Variants in DECR1 observed in about 807,000 individuals in gnomAD.
The protein encoded by DECR1 is 2,4-dienoyl-CoA reductase 1, also known as 2,4-dienoyl-CoA reductase [(3E)-enoyl-CoA-producing], mitochondrial.
Under a neutral mutation model 38.8 loss-of-function variants are expected in DECR1, and 44 were observed. The ratio of observed to expected loss-of-function variants is 1.13; its 90% CI spans 0.89 to 1.46. The LOEUF is 1.46. Among genes scored for constraint, DECR1 ranks in the 40% most tolerant of loss-of-function variants. The probability of loss-of-function intolerance (pLI) is 0.00; values close to 1 mark genes in which losing one functional copy is unlikely to be tolerated. For synonymous variants in DECR1, 148 were observed against 135.2 expected, an observed-to-expected ratio of 1.09 and a Z score of -0.66; for missense variants, 428 against 405.5, an observed-to-expected ratio of 1.06 and a Z score of -0.48.
chr8:90,013,992 G>A (rs1050053431), intron 1 of DECR1, among the ~76,000 whole-genome samples: 1 of 152,074 alleles, frequency 6.6e-6, no homozygotes, highest in Non-Finnish European at 1.5e-5. Flanking sequence ...AGTATGGTGA[G>A]GAAGGTAGGT....
chr8:90,053,068 C>G lies in DECR1; in HGVS notation c.*1171C>G, dbSNP rs1003557718. On this transcript the variant is annotated 3_prime_UTR_variant, in exon 10 of 10. Coordinates refer to ENST00000220764, the MANE Select transcript of DECR1 (RefSeq NM_001359.2). The stretch of plus-strand genomic sequence containing the variant: ...GGCCCAACATTTCCAATTATACTGA[C>G]TTTCACTGGGCTTTTTTTTAGGCTG... Among the ~76,000 whole-genome samples the G allele has an allele frequency of 6.6e-6, 1 of 152,122 alleles. No homozygotes were observed. The highest frequency in any genetic ancestry group is 1.5e-5 in the Non-Finnish European group (1 of 68,014).
chr8:90,026,429 A>G (rs779486893), intron 5 of DECR1, among the ~76,000 whole-genome samples: 36 of 152,214 alleles, frequency 2.4e-4, no homozygotes, highest in South Asian at 6.2e-4. Flanking sequence ...CAGGGATTCA[A>G]CTTCCTCCTG....
intron 6 of DECR1, among the ~76,000 whole-genome samples, chr8:90,040,604 C>T (rs111797896): frequency 0.018 from 2,745 of 152,218 alleles, 78 homozygotes; most frequent in African/African-American, 0.062. Context: ...AGGAATTTTT[C>T]CTAATGCTAT....
intron 1 of DECR1, among the ~76,000 whole-genome samples, chr8:90,010,860 A>AT (rs1195992848): frequency 6.6e-6 from 1 of 151,606 alleles, no homozygotes; most frequent in East Asian, 1.9e-4. Flanking sequence ...ATTCTAGGCC[A>AT]TTTTTTTTCT....
intron 1 of DECR1, chr8:90,006,089 C>T: frequency 1.2e-5 from 8 of 648,444 alleles, no homozygotes; most frequent in Non-Finnish European, 2.2e-5. Context: ...AACCCAGGCA[C>T]CTCCCATTAG....
chr8:90,010,063 G>A (rs1406204673), intron 1 of DECR1, among the ~76,000 whole-genome samples: 1 of 152,156 alleles, frequency 6.6e-6, no homozygotes, highest in Non-Finnish European at 1.5e-5. Flanking sequence ...GTCCAGCTGG[G>A]CAGTTTCTTT....
chr8:90,023,369 C>T (rs1813213668), intron 5 of DECR1, among the ~76,000 whole-genome samples: 1 of 151,752 alleles, frequency 6.6e-6, no homozygotes, highest in Admixed American at 6.6e-5. Context: ...TTGCTAAACT[C>T]ACTTAATGGT....
At chr8:90,048,889 C>T (rs555325937) in intron 8 of DECR1, among the ~76,000 whole-genome samples, 2 of 152,116 alleles carry the variant, frequency 1.3e-5, no homozygotes, top group African/African-American at 4.8e-5. Context: ...TTCAACATAC[C>T]CAAATCAATA....
rs1301725109 is a variant in DECR1, at chr8:90,053,431, T to C, written c.*1534T>C. ...CTTATTCACTATCACACTATTGTGTTGATATTGTGTTCACACACCAATAAT... is the reference window on the plus strand; with the variant it reads ...CTTATTCACTATCACACTATTGTGTCGATATTGTGTTCACACACCAATAAT... On this transcript the variant is annotated 3_prime_UTR_variant, in exon 10 of 10. Transcript: ENST00000220764. Among the ~76,000 whole-genome samples, 1 of 152,150 alleles carries C rather than the reference T, an allele frequency of 6.6e-6. No individual in the cohort carries two copies. The highest frequency in any genetic ancestry group is 1.5e-5 in the Non-Finnish European group (1 of 68,026).
In DECR1 at chr8:90,012,654, C is replaced by G. The variant is rs189696943; in HGVS notation, c.70-4470C>G. ...CAACCAAGTGTTACATTAAGTAAGACAAGCATTTACCGAATGCCTAACTGG... is the reference window on the plus strand; with the variant it reads ...CAACCAAGTGTTACATTAAGTAAGAGAAGCATTTACCGAATGCCTAACTGG... On this transcript the variant is annotated intron_variant, in intron 1 of 9. Transcript: ENST00000220764. Among the ~76,000 whole-genome samples the G allele has an allele frequency of 6.6e-3, 1,006 of 152,266 alleles. 13 individuals carry two copies. The highest frequency in any genetic ancestry group is 0.023 in the African/African-American group (953 of 41,548).
chr8:90,026,475 T>A (rs765639847), intron 5 of DECR1, among the ~76,000 whole-genome samples: 5 of 152,210 alleles, frequency 3.3e-5, no homozygotes, highest in Non-Finnish European at 7.3e-5. Context: ...TCCAGGAATG[T>A]ATCCATTTCT....
chr8:90,028,628 T>C (rs143960386), intron 5 of DECR1, among the ~76,000 whole-genome samples: 359 of 152,214 alleles, frequency 2.4e-3, no homozygotes, highest in African/African-American at 7.8e-3. Context: ...TGTGAAATAT[T>C]CTTTTTAAAG....
chr8:90,037,614 T>C (rs1426082552), intron 6 of DECR1, among the ~76,000 whole-genome samples: 3 of 152,012 alleles, frequency 2.0e-5, no homozygotes, highest in Non-Finnish European at 4.4e-5. Context: ...GCCTGGCTAA[T>C]TTTTAAAATT....
In DECR1 at chr8:90,053,002, A is replaced by G. The variant is rs1391894069; in HGVS notation, c.*1105A>G. On this transcript the variant is annotated 3_prime_UTR_variant, in exon 10 of 10. Transcript: ENST00000220764. ...TACATAAATTACATTTATTACATTT[A>G]ATTGTGTATATATAGGGGATGTTAT... 6.6e-6 allele frequency among the ~76,000 whole-genome samples: 1 copy of G among 152,194 alleles called. No homozygotes were observed. Among genetic ancestry groups the G allele is most frequent in the Non-Finnish European group, 1.5e-5 (1 of 68,036 alleles).
chr8:90,016,359 G>A (rs112863975), intron 1 of DECR1, among the ~76,000 whole-genome samples: 9 of 152,230 alleles, frequency 5.9e-5, no homozygotes, highest in East Asian at 3.9e-4. Context: ...AAATTTGGTC[G>A]GGTGTGGTGG....
At chr8:90,016,748 CT>C (rs1813018329) in intron 1 of DECR1, 1 of 170,248 alleles carries the variant, frequency 5.9e-6, no homozygotes, top group Non-Finnish European at 1.3e-5. Context: ...ATTTGTAGTG[CT>C]TACTATGTGC....
intron 5 of DECR1, among the ~76,000 whole-genome samples, chr8:90,031,552 G>T (rs771423810): frequency 3.3e-5 from 5 of 152,000 alleles, no homozygotes; most frequent in African/African-American, 9.7e-5. Context: ...TTTATGTAGG[G>T]TTATTCTAGT....
chr8:90,030,273 G>C (rs1262848721), intron 5 of DECR1, among the ~76,000 whole-genome samples: 1 of 152,130 alleles, frequency 6.6e-6, no homozygotes, highest in African/African-American at 2.4e-5. Flanking sequence ...CCATAGACTG[G>C]TATGGGGCTG....
intron 6 of DECR1, among the ~76,000 whole-genome samples, chr8:90,040,465 A>G (rs1271813944): frequency 6.6e-6 from 1 of 152,164 alleles, no homozygotes; most frequent in Non-Finnish European, 1.5e-5. Context: ...TGATAGTTTC[A>G]TAGAACTTAG....
Sources: allele counts gnomAD v4.1 joint callset (sites outside exome capture counted in the v4.1 genomes callset), GRCh38; gene constraint gnomAD v4.1.1; transcripts MANE v1.5; gene names NCBI Gene and HGNC (gene_info 2026-07-23, HGNC 2026-07-21).